Variants in SUPT3H observed in about 807,000 individuals in gnomAD.
The protein encoded by SUPT3H is SPT3 homolog, SAGA and STAGA complex component.
A neutral mutation model predicts 44.3 loss-of-function variants in SUPT3H; 44 were observed. That is an observed-to-expected ratio of 0.99 (90% CI 0.78 to 1.28). The LOEUF is 1.28. SUPT3H is among the 50% of genes most tolerant of loss of function. The pLI is 0.00. For synonymous variants in SUPT3H, 124 were observed against 125.6 expected, an observed-to-expected ratio of 0.99 and a Z score of 0.09; for missense variants, 380 against 387.1, an observed-to-expected ratio of 0.98 and a Z score of 0.15.
chr6:45,375,712 G>C (rs1796682431), intron 1 of SUPT3H, among the ~76,000 whole-genome samples: 1 of 151,972 alleles, frequency 6.6e-6, no homozygotes. Flanking sequence ...CCTGGCCCAA[G>C]GGCACCATTT....
At chr6:45,195,768 C>A (rs1051888094) in intron 2 of SUPT3H, among the ~76,000 whole-genome samples, 1 of 151,988 alleles carries the variant, frequency 6.6e-6, no homozygotes, top group African/African-American at 2.4e-5. Context: ...AACTAGGGTA[C>A]ATATTATTTC....
intron 10 of SUPT3H, among the ~76,000 whole-genome samples, chr6:44,929,375 GAT>G (rs571140175): frequency 1.3e-5 from 2 of 151,772 alleles, no homozygotes; most frequent in East Asian, 1.9e-4. Context: ...TTGGTAAATG[GAT>G]ATATATATAC....
In SUPT3H at chr6:45,303,671, TAAAAAA is replaced by T. The variant is rs36119324; in HGVS notation, c.101+61524_101+61529del. 3.5e-5 allele frequency among the ~76,000 whole-genome samples: 4 copies of T among 113,054 alleles called. No individual in the cohort carries two copies. The Admixed American group carries it at 3.6e-4, about 10-fold the overall frequency. 74.2% of individuals were successfully genotyped at this position (113,054 alleles called of 152,430 possible). A position where few individuals can be genotyped will look rare whatever the true frequency, so the allele number is the denominator to read the frequency against. On this transcript the variant is annotated intron_variant, in intron 2 of 10. Transcript: ENST00000371459. Reference sequence around the variant, plus strand: ...ATGAGATGTTGCCTGATTCTAGAAGTAAAAAAAAAAAAAAAAAAAAAGAAACAAACA... The same window carrying T: ...ATGAGATGTTGCCTGATTCTAGAAGTAAAAAAAAAAAAAAAGAAACAAACA...
intron 3 of SUPT3H, among the ~76,000 whole-genome samples, chr6:45,036,827 T>C (rs924127726): frequency 1.4e-4 from 22 of 152,060 alleles, no homozygotes; most frequent in African/African-American, 4.8e-4. Context: ...TGACTTTTCA[T>C]TGGTTTATGC....
intron 10 of SUPT3H, among the ~76,000 whole-genome samples, chr6:44,856,827 T>A (rs1773814069): frequency 6.6e-6 from 1 of 152,190 alleles, no homozygotes; most frequent in African/African-American, 2.4e-5. Flanking sequence ...ATGTATAGCA[T>A]TGCTTTCCCT....
At chr6:45,230,687 T>TATATATATATATATATATATATA (rs1562747092) in intron 2 of SUPT3H, among the ~76,000 whole-genome samples, 65 of 99,640 alleles carry the variant, frequency 6.5e-4, no homozygotes, top group African/African-American at 1.1e-3. Flanking sequence ...TATATATATA[T>TATATATATATATATATATATATA]TTTTGAGATG....
intron 10 of SUPT3H, among the ~76,000 whole-genome samples, chr6:44,904,180 G>GGGCATTTGGGCA (rs1332986841): frequency 6.6e-6 from 1 of 150,642 alleles, no homozygotes; most frequent in Non-Finnish European, 1.5e-5. Flanking sequence ...GTTCTGGCCA[G>GGGCATTTGGGCA]GGAGAAGGAA....
intron 2 of SUPT3H, among the ~76,000 whole-genome samples, chr6:45,170,119 G>C (rs1810529478): frequency 6.6e-6 from 1 of 152,104 alleles, no homozygotes. Flanking sequence ...ATTTAAAAAA[G>C]AACTCTTCGT....
Position 44,975,000 on chromosome 6 carries a change from G to A in SUPT3H, c.505-13172C>T, listed in dbSNP as rs143087593. Reference sequence around the variant, plus strand: ...AGCCTGACCAATATGGTAAGACCCCGTCTCTACTAAAAATACAAAAATTAG... The same window carrying A: ...AGCCTGACCAATATGGTAAGACCCCATCTCTACTAAAAATACAAAAATTAG... On this transcript the variant is annotated intron_variant, in intron 6 of 10. Transcript: ENST00000371459. Among the ~76,000 whole-genome samples, 421 of 152,118 alleles carry A rather than the reference G, an allele frequency of 2.8e-3. 17 individuals are homozygous for A. The East Asian group carries it at 0.072, about 26-fold the overall frequency.
At chr6:45,146,637 TG>T (rs1690832572) in intron 2 of SUPT3H, among the ~76,000 whole-genome samples, 1 of 152,182 alleles carries the variant, frequency 6.6e-6, no homozygotes, top group Admixed American at 6.6e-5. Context: ...ACATATTAAG[TG>T]CATAATACAT....
chr6:44,968,286 C>T (rs539652491), intron 6 of SUPT3H, among the ~76,000 whole-genome samples: 3 of 152,094 alleles, frequency 2.0e-5, no homozygotes, highest in Admixed American at 6.6e-5. Context: ...TTCAGCAATG[C>T]GGCAACATGT....
chr6:44,831,787 A>ATCTT (rs1176880050), intron 10 of SUPT3H, among the ~76,000 whole-genome samples: 4 of 152,158 alleles, frequency 2.6e-5, no homozygotes, highest in African/African-American at 4.8e-5. Context: ...CCAGGTTTTA[A>ATCTT]TCTTTTCAGA....
intron 5 of SUPT3H, among the ~76,000 whole-genome samples, chr6:45,005,250 C>T (rs1782544668): frequency 6.6e-6 from 1 of 151,904 alleles, no homozygotes; most frequent in South Asian, 2.1e-4. Context: ...ACATGTTTTC[C>T]CATATGTTTG....
intron 9 of SUPT3H, among the ~76,000 whole-genome samples, chr6:44,936,499 A>G (rs753457253): frequency 3.3e-5 from 5 of 152,056 alleles, no homozygotes; most frequent in Non-Finnish European, 7.4e-5. Context: ...CTTACTCCCA[A>G]CCTTCCAAAT....
chr6:45,076,544 A>G (rs1431651400), intron 3 of SUPT3H, among the ~76,000 whole-genome samples: 1 of 152,004 alleles, frequency 6.6e-6, no homozygotes, highest in Non-Finnish European at 1.5e-5. Flanking sequence ...GTATTCTCTG[A>G]TACAAACAGG....
At chr6:45,281,705 C>T (rs187597842) in intron 2 of SUPT3H, among the ~76,000 whole-genome samples, 2 of 152,272 alleles carry the variant, frequency 1.3e-5, no homozygotes, top group African/African-American at 4.8e-5. Context: ...AACCTCTGCA[C>T]ACTTAAATGT....
At chr6:44,921,751 G>A (rs967351621) in intron 10 of SUPT3H, among the ~76,000 whole-genome samples, 8 of 151,950 alleles carry the variant, frequency 5.3e-5, no homozygotes, top group Middle Eastern at 3.4e-3. Context: ...AGTCTCTAAC[G>A]TCTCTACTGG....
rs1363850599 is a variant in SUPT3H at position 44,936,397 on chromosome 6, A to G, written c.802-3634T>C. 2.0e-5 allele frequency among the ~76,000 whole-genome samples: 3 copies of G among 152,190 alleles called. 1 individual carries two copies. The highest frequency in any genetic ancestry group is 2.0e-4 in the Admixed American group (3 of 15,274). On this transcript the variant is annotated intron_variant, in intron 9 of 10. Coordinates refer to ENST00000371459, the MANE Select transcript of SUPT3H (RefSeq NM_003599.4). ...GTACAAGTGTGATTATGTTACATGCATAGATTAGAGTGGTAAAGTTAGGGC... is the reference window on the plus strand; with the variant it reads ...GTACAAGTGTGATTATGTTACATGCGTAGATTAGAGTGGTAAAGTTAGGGC...
At chr6:45,296,023 A>G (rs1273714306) in intron 2 of SUPT3H, among the ~76,000 whole-genome samples, 3 of 152,132 alleles carry the variant, frequency 2.0e-5, no homozygotes, top group Admixed American at 2.0e-4. Context: ...ATACTTGCAC[A>G]CACGTTTATA....
Sources: allele counts gnomAD v4.1 joint callset (sites outside exome capture counted in the v4.1 genomes callset), GRCh38; gene constraint gnomAD v4.1.1; transcripts MANE v1.5; gene names NCBI Gene and HGNC (gene_info 2026-07-23, HGNC 2026-07-21).